The following CADPS2 variants were observed in gnomAD, a reference collection of about 807,000 sequenced individuals.
CADPS2 encodes calcium-dependent secretion activator 2.
Under a neutral mutation model 172.5 loss-of-function variants are expected in CADPS2, and 93 were observed. The observed-to-expected ratio is 0.54, with a 90% CI of 0.46 to 0.64. The LOEUF is 0.64. Ranked by LOEUF, CADPS2 falls within the 30% of genes least tolerant of loss-of-function variation. The probability of loss-of-function intolerance (pLI) is 0.00; values close to 1 mark genes in which losing one functional copy is unlikely to be tolerated. For synonymous variants in CADPS2, 546 were observed against 555.2 expected, an observed-to-expected ratio of 0.98 and a Z score of 0.23; for missense variants, 1,420 against 1,565.9, an observed-to-expected ratio of 0.91 and a Z score of 1.57.
At chr7:122,845,002 A>T (rs1272367882) in intron 1 of CADPS2, among the ~76,000 whole-genome samples, 2 of 152,190 alleles carry the variant, frequency 1.3e-5, no homozygotes, top group Non-Finnish European at 2.9e-5. Context: ...CAAGATCAAG[A>T]TGCTTTTGAG....
At chr7:122,548,014 A>G (rs1262595833) in intron 8 of CADPS2, among the ~76,000 whole-genome samples, 1 of 152,186 alleles carries the variant, frequency 6.6e-6, no homozygotes, top group Non-Finnish European at 1.5e-5. Flanking sequence ...ACTACAAAAT[A>G]AAAGTCATGT....
intron 1 of CADPS2, among the ~76,000 whole-genome samples, chr7:122,780,637 G>A (rs936953372): frequency 6.6e-6 from 1 of 151,986 alleles, no homozygotes; most frequent in African/African-American, 2.4e-5. Flanking sequence ...ACAAATAGCT[G>A]AGACTACATG....
At chr7:122,567,234 A>G (rs1166467901) in intron 7 of CADPS2, among the ~76,000 whole-genome samples, 1 of 152,162 alleles carries the variant, frequency 6.6e-6, no homozygotes, top group Non-Finnish European at 1.5e-5. Context: ...TCAGCTGAAC[A>G]TAAAATTTCA....
intron 2 of CADPS2, among the ~76,000 whole-genome samples, chr7:122,708,438 G>A (rs2087966059): frequency 8.1e-6 from 1 of 123,282 alleles, no homozygotes; most frequent in Non-Finnish European, 1.7e-5. Flanking sequence ...CACAATATGT[G>A]TGTGTATATA....
intron 11 of CADPS2, among the ~76,000 whole-genome samples, chr7:122,485,088 TG>T (rs1290870262): frequency 6.6e-6 from 1 of 152,182 alleles, no homozygotes; most frequent in Non-Finnish European, 1.5e-5. Context: ...GTGTTCTGAC[TG>T]TTCCCCATCT....
At chr7:122,645,254 T>C (rs1369481814) in intron 3 of CADPS2, among the ~76,000 whole-genome samples, 5 of 144,130 alleles carry the variant, frequency 3.5e-5, no homozygotes, top group African/African-American at 1.0e-4. Context: ...CACATGTACA[T>C]GTGTGTATAC....
chr7:122,445,687 T>C (rs1182450410), intron 15 of CADPS2, among the ~76,000 whole-genome samples: 2 of 152,120 alleles, frequency 1.3e-5, no homozygotes, highest in Admixed American at 6.6e-5. Flanking sequence ...TGGTGGCATG[T>C]GCCTGTGGTC....
intron 8 of CADPS2, among the ~76,000 whole-genome samples, chr7:122,543,070 T>G (rs948595666): frequency 1.4e-4 from 21 of 152,088 alleles, no homozygotes; most frequent in Admixed American, 6.6e-4. Context: ...GTAAGTTATT[T>G]TTTTTTAATA....
intron 1 of CADPS2, among the ~76,000 whole-genome samples, chr7:122,866,933 C>G (rs1481161501): frequency 6.6e-6 from 1 of 152,184 alleles, no homozygotes; most frequent in East Asian, 1.9e-4. Context: ...CCACTTTCCT[C>G]TTCTCACATC....
intron 8 of CADPS2, among the ~76,000 whole-genome samples, chr7:122,526,962 T>C (rs1420510475): frequency 6.6e-6 from 1 of 152,206 alleles, no homozygotes; most frequent in Non-Finnish European, 1.5e-5. Flanking sequence ...TTGGAATGAC[T>C]GAATGGTCTT....
chr7:122,329,105 A>G (rs749255399), intron 28 of CADPS2, among the ~76,000 whole-genome samples: 3 of 152,192 alleles, frequency 2.0e-5, no homozygotes, highest in Non-Finnish European at 4.4e-5. Context: ...GTTGCCACTG[A>G]CTATGGAAAT....
At chr7:122,425,165 C>T (rs12706411) in intron 17 of CADPS2, among the ~76,000 whole-genome samples, 6,205 of 151,868 alleles carry the variant, frequency 0.041, 227 homozygotes, top group Non-Finnish European at 0.057. Context: ...TCTTTTTATA[C>T]AGACGGGGTC....
At chr7:122,749,356 AG>A (rs1177353446) in intron 1 of CADPS2, among the ~76,000 whole-genome samples, 1 of 152,150 alleles carries the variant, frequency 6.6e-6, no homozygotes, top group East Asian at 1.9e-4. Context: ...TGAGAGAAGA[AG>A]GGTAGTCAGA....
At chr7:122,639,329 TAAAGGCAG>T (rs1223919939) in intron 3 of CADPS2, among the ~76,000 whole-genome samples, 1 of 152,182 alleles carries the variant, frequency 6.6e-6, no homozygotes, top group Non-Finnish European at 1.5e-5. Context: ...AGCATTTTCC[TAAAGGCAG>T]AATTCAACTG....
At chr7:122,742,934 TA>T (rs1282192800) in intron 1 of CADPS2, among the ~76,000 whole-genome samples, 1 of 152,138 alleles carries the variant, frequency 6.6e-6, no homozygotes, top group East Asian at 1.9e-4. Context: ...TGCCATTATA[TA>T]TACTCCTTCA....
chr7:122,706,825 T>C (rs2087636624), intron 2 of CADPS2, among the ~76,000 whole-genome samples: 1 of 150,212 alleles, frequency 6.7e-6, no homozygotes, highest in African/African-American at 2.4e-5. Context: ...TATATATATG[T>C]ATGTACACAC....
chr7:122,418,421 T>C (rs912263982), intron 17 of CADPS2, among the ~76,000 whole-genome samples: 1 of 152,202 alleles, frequency 6.6e-6, no homozygotes, highest in African/African-American at 2.4e-5. Flanking sequence ...TGGGTGATTA[T>C]GGGAGACTTT....
At chr7:122,389,489 T>C (rs1207759641) in intron 22 of CADPS2, among the ~76,000 whole-genome samples, 1 of 151,870 alleles carries the variant, frequency 6.6e-6, no homozygotes, top group African/African-American at 2.4e-5. Flanking sequence ...ACCCCATGTA[T>C]GAAGATAACT....
At chr7:122,438,609 T>G in intron 16 of CADPS2, 145 bp from the exon 17 acceptor site, 1 of 899,118 alleles carries the variant, frequency 1.1e-6, no homozygotes, top group South Asian at 1.7e-5. Flanking sequence ...AGAGGGGTCC[T>G]AGGTAACCTG....
Sources: allele counts gnomAD v4.1 joint callset (sites outside exome capture counted in the v4.1 genomes callset), GRCh38; gene constraint gnomAD v4.1.1; transcripts MANE v1.5; gene names NCBI Gene and HGNC (gene_info 2026-07-23, HGNC 2026-07-21).